Variants in PCDH17 observed in about 807,000 individuals in gnomAD.
The protein encoded by PCDH17 is protocadherin-17.
Under a neutral mutation model 67.7 loss-of-function variants are expected in PCDH17, and 21 were observed. That is an observed-to-expected ratio of 0.31 (90% confidence interval 0.22 to 0.45). The LOEUF (loss-of-function observed/expected upper bound fraction) is 0.45, where lower values mean the gene tolerates loss of function less well. PCDH17 is among the 20% of genes least tolerant of loss of function. PCDH17 has a pLI of 1.00. For missense variants in PCDH17, 1,471 were observed against 1,564.8 expected (o/e 0.94, Z 1.01); for synonymous variants, 701 against 656.7 (o/e 1.07, Z -1.03).
chr13:57,700,844 C>T (rs994118865), intron 3 of PCDH17, among the ~76,000 whole-genome samples: 7 of 152,020 alleles, frequency 4.6e-5, no homozygotes, highest in African/African-American at 1.2e-4. Flanking sequence ...GGGTTATTTT[C>T]GCAGTGTTCA....
At chr13:57,673,699 T>G (rs1273666937) in intron 3 of PCDH17, among the ~76,000 whole-genome samples, 1 of 152,058 alleles carries the variant, frequency 6.6e-6, no homozygotes, top group African/African-American at 2.4e-5. Context: ...AAAAAAAAAT[T>G]ACTTAGAAAT....
At chr13:57,701,737 T>C (rs892519751) in intron 3 of PCDH17, among the ~76,000 whole-genome samples, 18 of 152,234 alleles carry the variant, frequency 1.2e-4, no homozygotes, top group Middle Eastern at 3.4e-3. Flanking sequence ...TTCTATTTAT[T>C]ACAGAAATGA....
At chr13:57,691,105 C>A (rs1359201540) in intron 3 of PCDH17, among the ~76,000 whole-genome samples, 1 of 151,024 alleles carries the variant, frequency 6.6e-6, no homozygotes, top group Non-Finnish European at 1.5e-5. Context: ...TGGTGACTAC[C>A]AATTCATTAG....
chr13:57,721,519 G>A (rs994652520), intron 3 of PCDH17, among the ~76,000 whole-genome samples: 1 of 151,880 alleles, frequency 6.6e-6, no homozygotes, highest in African/African-American at 2.4e-5. Context: ...TAGAACTGTA[G>A]GGCTTAAGTA....
intron 3 of PCDH17, among the ~76,000 whole-genome samples, chr13:57,721,584 A>T (rs1593952757): frequency 6.6e-6 from 1 of 152,282 alleles, no homozygotes; most frequent in Middle Eastern, 3.4e-3. Flanking sequence ...GAGGGCACTT[A>T]AAAATGTGCA....
intron 1 of PCDH17, among the ~76,000 whole-genome samples, chr13:57,646,354 GAATA>G (rs1233390071): frequency 6.6e-6 from 1 of 151,562 alleles, no homozygotes; most frequent in African/African-American, 2.4e-5. Flanking sequence ...TTAATTCAAT[GAATA>G]AATAATGTAA....
At chr13:57,686,599 A>C (rs1955510226) in intron 3 of PCDH17, among the ~76,000 whole-genome samples, 1 of 151,972 alleles carries the variant, frequency 6.6e-6, no homozygotes, top group Non-Finnish European at 1.5e-5. Flanking sequence ...TTTGCAAATA[A>C]GTAACAGCAC....
chr13:57,711,697 AATTTTGCAT>A (rs1235713741), intron 3 of PCDH17, among the ~76,000 whole-genome samples: 1 of 151,682 alleles, frequency 6.6e-6, no homozygotes, highest in African/African-American at 2.4e-5. Flanking sequence ...TACTGAATGT[AATTTTGCAT>A]ATATATTTTT....
intron 1 of PCDH17, among the ~76,000 whole-genome samples, chr13:57,665,562 T>C (rs1171278131): frequency 6.6e-6 from 1 of 152,088 alleles, no homozygotes; most frequent in African/African-American, 2.4e-5. Context: ...TGCCGTGATA[T>C]GAAGTGATGC....
intron 3 of PCDH17, among the ~76,000 whole-genome samples, chr13:57,718,866 A>C (rs1199743076): frequency 6.6e-6 from 1 of 152,022 alleles, no homozygotes; most frequent in African/African-American, 2.4e-5. Flanking sequence ...TGAAGAAAGA[A>C]AAAGGCCATA....
intron 3 of PCDH17, among the ~76,000 whole-genome samples, chr13:57,699,055 C>T (rs1172141369): frequency 6.6e-6 from 1 of 151,446 alleles, no homozygotes; most frequent in Non-Finnish European, 1.5e-5. Flanking sequence ...TTAGAGATAA[C>T]GGCAGTTTTA....
rs898683578 is a variant in PCDH17 at position 57,632,273 on chromosome 13, G to A, written c.-274G>A. ...CGAAACCCCTGGCTCACCCCCAGCC[G>A]CAGGAAGCCACCGCCTTGCTCCAAG... On this transcript the variant is annotated 5_prime_UTR_variant, in exon 1 of 4. Coordinates refer to ENST00000377918, the MANE Select transcript of PCDH17 (RefSeq NM_001040429.3). 15 of 496,586 alleles carry A rather than the reference G, an allele frequency of 3.0e-5. No homozygotes were observed. The highest frequency in any genetic ancestry group is 5.0e-5 in the Non-Finnish European group (14 of 281,322). The allele number at this position is 496,586 out of a possible 1,614,324, so 30.8% of individuals were successfully genotyped here.
chr13:57,667,893 A>T (rs910708321), intron 3 of PCDH17, among the ~76,000 whole-genome samples: 1 of 148,226 alleles, frequency 6.7e-6, no homozygotes, highest in African/African-American at 2.4e-5. Flanking sequence ...ATTTATATAT[A>T]TTTTTTAAAA....
At chr13:57,678,512 A>G (rs1243792730) in intron 3 of PCDH17, among the ~76,000 whole-genome samples, 1 of 151,730 alleles carries the variant, frequency 6.6e-6, no homozygotes, top group Admixed American at 6.6e-5. Context: ...ATTTGAAAAC[A>G]TAAACAGAGA....
chr13:57,679,362 A>G (rs77626663), intron 3 of PCDH17, among the ~76,000 whole-genome samples: 1 of 7,864 alleles, frequency 1.3e-4, no homozygotes, highest in Non-Finnish European at 1.9e-4. Flanking sequence ...ACTGAATACA[A>G]AAAAAAAAAA....
upstream of PCDH17, among the ~76,000 whole-genome samples, chr13:57,630,571 T>A (rs900279787): frequency 6.6e-6 from 1 of 151,966 alleles, no homozygotes; most frequent in East Asian, 1.9e-4. Flanking sequence ...TTAAAAAAAA[T>A]AAACAAAATA....
At chr13:57,668,133 T>G (rs1489412348) in intron 3 of PCDH17, among the ~76,000 whole-genome samples, 1 of 151,934 alleles carries the variant, frequency 6.6e-6, no homozygotes, top group Non-Finnish European at 1.5e-5. Flanking sequence ...TATTTATTAT[T>G]CCCATTTTCT....
rs1281792348 is a variant in PCDH17 at position 57,632,375 on chromosome 13, A to G, written c.-172A>G. The G allele has an allele frequency of 3.2e-6, 2 of 632,188 alleles. No individual in the cohort carries two copies. The highest frequency in any genetic ancestry group is 5.5e-6 in the Non-Finnish European group (2 of 365,354). 39.2% of individuals were successfully genotyped at this position (632,188 alleles called of 1,614,324 possible). A position where few individuals can be genotyped will look rare whatever the true frequency, so the allele number is the denominator to read the frequency against. Reference sequence around the variant, plus strand: ...ATCAACAGGTTCAGGGAACTTGAGCAGAATAAGGAGAGACCACCGGGTGCC... The same window carrying G: ...ATCAACAGGTTCAGGGAACTTGAGCGGAATAAGGAGAGACCACCGGGTGCC... On this transcript the variant is annotated 5_prime_UTR_variant, in exon 1 of 4. Coordinates refer to ENST00000377918, the MANE Select transcript of PCDH17 (RefSeq NM_001040429.3).
chr13:57,632,702 GC>G lies in PCDH17; in HGVS notation c.157del (p.Arg53AlafsTer65). 6.2e-7 allele frequency: 1 copy of G among 1,611,544 alleles called. No homozygotes were observed. Among genetic ancestry groups the G allele is most frequent in the Non-Finnish European group, 8.5e-7 (1 of 1,179,904 alleles). ...TGCAGCCTGGGCTTCCGCCTGCAGAGCGCGGCGGCGGAGGGCGCAGCAAGTC... is the reference window on the plus strand; with the variant it reads ...TGCAGCCTGGGCTTCCGCCTGCAGAGGCGGCGGCGGAGGGCGCAGCAAGTC... Reference protein sequence around the residue: ...RLQPGLPPAERGGGGRSKSGS... With the variant: ...RLQPGLPPAEXGGGGRSKSGS... On this transcript the variant is annotated frameshift_variant, in exon 1 of 4. Transcript: ENST00000377918. LOFTEE classifies it high-confidence loss of function.
Sources: allele counts gnomAD v4.1 joint callset (sites outside exome capture counted in the v4.1 genomes callset), GRCh38; gene constraint gnomAD v4.1.1; transcripts MANE v1.5; gene names NCBI Gene and HGNC (gene_info 2026-07-23, HGNC 2026-07-21).